SNX8: variants seen among roughly 807,000 people sequenced by gnomAD.
The protein encoded by SNX8 is sorting nexin-8.
Under a neutral mutation model 51.6 loss-of-function variants are expected in SNX8, and 25 were observed. The observed-to-expected ratio is 0.48, with a 90% CI of 0.35 to 0.68. The LOEUF (loss-of-function observed/expected upper bound fraction) is 0.68, where lower values mean the gene tolerates loss of function less well. Ranked by LOEUF, SNX8 falls within the 30% of genes least tolerant of loss-of-function variation. SNX8 has a pLI of 0.00. For missense variants in SNX8, 695 were observed against 624.0 expected (o/e 1.11, Z -1.21); for synonymous variants, 324 against 277.0 (o/e 1.17, Z -1.68).
At chr7:2,257,338 G>A (rs780861801) in intron 9 of SNX8, 27 bp downstream of exon 9, 24 of 1,594,928 alleles carry the variant, frequency 1.5e-5, no homozygotes, top group Non-Finnish European at 2.0e-5. Context: ...GGCTCCCACG[G>A]GCCTGCTCGG....
At chr7:2,269,064 A>G (rs1342794597) in intron 5 of SNX8, among the ~76,000 whole-genome samples, 1 of 135,260 alleles carries the variant, frequency 7.4e-6, no homozygotes, top group Non-Finnish European at 1.6e-5. Flanking sequence ...CCAGGATGAC[A>G]ATGGCGGCTT....
At chr7:2,298,389 A>G (rs1211860968) in intron 1 of SNX8, among the ~76,000 whole-genome samples, 1 of 151,990 alleles carries the variant, frequency 6.6e-6, no homozygotes, top group Non-Finnish European at 1.5e-5. Flanking sequence ...TTGTTTTTTG[A>G]GACGGAGTCT....
chr7:2,275,546 A>G (rs1343706300), intron 2 of SNX8, among the ~76,000 whole-genome samples: 1 of 152,088 alleles, frequency 6.6e-6, no homozygotes, highest in African/African-American at 2.4e-5. Context: ...TACTAAAAAT[A>G]CAAAAATTAG....
intron 1 of SNX8, among the ~76,000 whole-genome samples, chr7:2,279,761 A>AT (rs978320692): frequency 7.0e-6 from 1 of 143,876 alleles, no homozygotes; most frequent in African/African-American, 2.6e-5. Flanking sequence ...TCAAAAAAAA[A>AT]GAAAAAAAAA....
chr7:2,317,929 C>G (rs1329666316), upstream of SNX8, among the ~76,000 whole-genome samples: 1 of 152,210 alleles, frequency 6.6e-6, no homozygotes, highest in Non-Finnish European at 1.5e-5. Context: ...GACCTCCCCC[C>G]ATATCTGATA....
chr7:2,329,024 T>C (rs1209173091), intron 1 of SNX8, among the ~76,000 whole-genome samples: 3 of 151,172 alleles, frequency 2.0e-5, no homozygotes, highest in African/African-American at 7.3e-5. Context: ...AGGCAGAGCT[T>C]GCAGTGAGCC....
intron 7 of SNX8, among the ~76,000 whole-genome samples, chr7:2,258,089 CA>C (rs1795239339): frequency 1.3e-5 from 2 of 150,868 alleles, no homozygotes; most frequent in South Asian, 4.2e-4. Flanking sequence ...CGGCTCACTG[CA>C]AGCTCCGCCT....
chr7:2,285,207 G>A lies in SNX8; in HGVS notation c.95-6902C>T, dbSNP rs554718084. Among the ~76,000 whole-genome samples, 217 of 114,930 alleles carry A rather than the reference G, an allele frequency of 1.9e-3. 4 individuals are homozygous for A. In the South Asian group the frequency reaches 0.051, roughly 27 times the overall value. The allele number at this position is 114,930 out of a possible 152,430, so 75.4% of individuals were successfully genotyped here. ...AGCCTGGGTGACAGAGCAAGACTCCGTCTCAAAAAAAAAAAAAAAAAAATG... is the reference window on the plus strand; with the variant it reads ...AGCCTGGGTGACAGAGCAAGACTCCATCTCAAAAAAAAAAAAAAAAAAATG... On this transcript the variant is annotated intron_variant, in intron 1 of 10. Transcript: ENST00000222990.
At chr7:2,284,251 G>C (rs1338276493) in intron 1 of SNX8, among the ~76,000 whole-genome samples, 2 of 151,864 alleles carry the variant, frequency 1.3e-5, no homozygotes, top group Admixed American at 6.6e-5. Flanking sequence ...TTTCTAACAA[G>C]TTCCCAGATG....
intron 1 of SNX8, among the ~76,000 whole-genome samples, chr7:2,333,064 T>A (rs1476780088): frequency 6.6e-6 from 1 of 150,400 alleles, no homozygotes; most frequent in African/African-American, 2.5e-5. Flanking sequence ...AGCCCAGGAG[T>A]TCTTTTTTGT....
chr7:2,261,820 C>T lies in SNX8; in HGVS notation c.915+1410G>A, dbSNP rs1045995566. On this transcript the variant is annotated intron_variant, in intron 7 of 10. Transcript: ENST00000222990. ...TTCCTCTTCAGCACGAAAAACGTCA[C>T]GGGCACCTGAGCGCCCCGTTTCCAG... 2.0e-5 allele frequency among the ~76,000 whole-genome samples: 3 copies of T among 152,244 alleles called. No individual in the cohort carries two copies. The East Asian group carries it at 5.8e-4, about 29-fold the overall frequency.
intron 1 of SNX8, among the ~76,000 whole-genome samples, chr7:2,292,548 A>G (rs1322014008): frequency 6.6e-6 from 1 of 151,606 alleles, no homozygotes; most frequent in Non-Finnish European, 1.5e-5. Flanking sequence ...AGTAGCTGGG[A>G]CTACAGGCGT....
rs1179722744 is a variant in SNX8 at position 2,254,459 on chromosome 7, TG to T, written c.*596del. 2 of 156,548 alleles carry T rather than the reference TG, an allele frequency of 1.3e-5. No homozygotes were observed. The highest frequency in any genetic ancestry group is 2.8e-5 in the Non-Finnish European group (2 of 70,498). 9.7% of individuals were successfully genotyped at this position (156,548 alleles called of 1,614,324 possible). ...CACAGGCACACATGGGGTCATCATATGGGCACAGGGCATGAGGCCACTGGAC... is the reference window on the plus strand; with the variant it reads ...CACAGGCACACATGGGGTCATCATATGGCACAGGGCATGAGGCCACTGGAC... On this transcript the variant is annotated 3_prime_UTR_variant, in exon 11 of 11. Coordinates refer to ENST00000222990, the MANE Select transcript of SNX8 (RefSeq NM_013321.4).
chr7:2,346,921 CAAAAAAA>C (rs758069233), intron 1 of SNX8, among the ~76,000 whole-genome samples: 1,020 of 49,768 alleles, frequency 0.02, 10 homozygotes, highest in African/African-American at 0.053. Context: ...GACTCCGTCT[CAAAAAAA>C]AAAAAAAAAA....
chr7:2,334,355 A>G (rs1360777245), intron 1 of SNX8, among the ~76,000 whole-genome samples: 1 of 151,716 alleles, frequency 6.6e-6, no homozygotes, highest in Non-Finnish European at 1.5e-5. Context: ...GTGAGCTGAG[A>G]TCGCACCACT....
intron 5 of SNX8, among the ~76,000 whole-genome samples, chr7:2,268,529 G>T (rs1584679546): frequency 1.4e-5 from 2 of 142,110 alleles, no homozygotes; most frequent in African/African-American, 5.3e-5. Context: ...CCGGCCAGCC[G>T]TGCCATCCGG....
chr7:2,331,163 C>A (rs1218885822), intron 1 of SNX8, among the ~76,000 whole-genome samples: 1 of 119,206 alleles, frequency 8.4e-6, no homozygotes, highest in Non-Finnish European at 1.6e-5. Flanking sequence ...TCCAGCCTGG[C>A]GACAGAGCGA....
At position 2,308,665 on chromosome 7, in the gene SNX8, C is replaced by CAA. The variant is rs756364188; in HGVS notation, c.94+5661_94+5662dup. Among the ~76,000 whole-genome samples the CAA allele has an allele frequency of 2.7e-3, 171 of 62,508 alleles. 1 individual carries two copies. The highest frequency in any genetic ancestry group is 3.8e-3 in the East Asian group (8 of 2,092). The allele number at this position is 62,508 out of a possible 152,430, so 41.0% of individuals were successfully genotyped here. ...TGGGCAACAGAGTGAGACTCTGTCTCAAAAAAAAAAAAAAAAAAAAAAGGG... is the reference window on the plus strand; with the variant it reads ...TGGGCAACAGAGTGAGACTCTGTCTCAAAAAAAAAAAAAAAAAAAAAAAAGGG... On this transcript the variant is annotated intron_variant, in intron 1 of 10. Coordinates refer to ENST00000222990, the MANE Select transcript of SNX8 (RefSeq NM_013321.4).
At chr7:2,346,542 TCG>T (rs1453096733) in intron 1 of SNX8, among the ~76,000 whole-genome samples, 1 of 150,444 alleles carries the variant, frequency 6.6e-6, no homozygotes, top group African/African-American at 2.4e-5. Flanking sequence ...GGTCAGGAGA[TCG>T]AGACCATCCT....
Sources: gnomAD v4.1 joint callset for allele counts (sites outside exome capture counted in the v4.1 genomes callset) on GRCh38, gnomAD v4.1.1 for gene constraint, MANE v1.5 for transcripts, NCBI Gene and HGNC (gene_info 2026-07-23, HGNC 2026-07-21) for gene names.